The following ADD3 variants were observed in gnomAD, a reference collection of about 807,000 sequenced individuals.
ADD3 encodes the protein gamma-adducin.
Under a neutral mutation model 80.2 loss-of-function variants are expected in ADD3, and 25 were observed. That is an observed-to-expected ratio of 0.31 (90% confidence interval 0.23 to 0.44). ADD3 has a LOEUF of 0.44. Ranked by LOEUF, ADD3 falls within the 20% of genes least tolerant of loss-of-function variation. The pLI is 1.00. For synonymous variants in ADD3, 284 were observed against 289.6 expected, an observed-to-expected ratio of 0.98 and a Z score of 0.20; for missense variants, 829 against 847.5, an observed-to-expected ratio of 0.98 and a Z score of 0.27.
In ADD3 at chr10:110,124,045, A is replaced by G. The variant is rs1213670170; in HGVS notation, c.1172A>G (p.His391Arg). The change falls in exon 10 of 15, where the codon CAT becomes CGT. Residue 391 changes from histidine to arginine, a missense_variant. By Grantham distance (29) the His-to-Arg change is conservative (BLOSUM62 0). Transcript: ENST00000356080. ...LGYRTGYAYR[H>R]PLIREKPRHK... ...TATAGAACAGGCTATGCTTACAGGC[A>G]TCCTCTCATTCGAGAGAAGCCTAGG... 7 of 1,614,014 alleles carry G rather than the reference A, an allele frequency of 4.3e-6. No homozygotes were observed. The highest frequency in any genetic ancestry group is 5.9e-6 in the Non-Finnish European group (7 of 1,179,968).
At chr10:110,054,198 G>A (rs1038620172) in intron 1 of ADD3, among the ~76,000 whole-genome samples, 1 of 152,116 alleles carries the variant, frequency 6.6e-6, no homozygotes, top group Non-Finnish European at 1.5e-5. Flanking sequence ...TATTTTGGGG[G>A]AATGGTATGT....
Position 110,134,071 on chromosome 10 carries a change from T to TA in ADD3, c.*458dup, listed in dbSNP as rs925808335. 6 of 152,722 alleles carry TA rather than the reference T, an allele frequency of 3.9e-5. No individual in the cohort carries two copies. The highest frequency in any genetic ancestry group is 1.4e-4 in the African/African-American group (6 of 41,452). The allele number at this position is 152,722 out of a possible 1,614,324, so 9.5% of individuals were successfully genotyped here. The stretch of plus-strand genomic sequence containing the variant: ...TTCAGTGGGCATTAACAGAATGCTT[T>TA]AAAAACTTCTAAGACAAGAATCTAT... On this transcript the variant is annotated 3_prime_UTR_variant, in exon 15 of 15. Coordinates refer to ENST00000356080, the MANE Select transcript of ADD3 (RefSeq NM_016824.5).
rs953362748 is a variant in ADD3 at position 110,119,089 on chromosome 10, G to T, written c.718-122G>T. The T allele has an allele frequency of 1.8e-5, 19 of 1,033,370 alleles. No individual in the cohort carries two copies. The African/African-American group carries it at 2.4e-4, about 13-fold the overall frequency. The allele number at this position is 1,033,370 out of a possible 1,614,324, so 64.0% of individuals were successfully genotyped here. A position where few individuals can be genotyped will look rare whatever the true frequency, so the allele number is the denominator to read the frequency against. On this transcript the variant is annotated intron_variant, in intron 6 of 14. Transcript: ENST00000356080. ...GGGAAGTGAATAAAGTGGGAAGTGG[G>T]CTGCAATGGTGAAACACAGTGAATA...
At chr10:110,076,766 G>C (rs1233040725) in intron 1 of ADD3, among the ~76,000 whole-genome samples, 1 of 152,176 alleles carries the variant, frequency 6.6e-6, no homozygotes, top group Non-Finnish European at 1.5e-5. Flanking sequence ...TGTGTGATCT[G>C]TCTTGCATTT....
chr10:110,052,600 A>G (rs895450391), intron 1 of ADD3, among the ~76,000 whole-genome samples: 1 of 152,194 alleles, frequency 6.6e-6, no homozygotes, highest in African/African-American at 2.4e-5. Context: ...CCTGGTGCCA[A>G]AAAAGTTGGG....
chr10:110,090,109 G>A (rs1847292478), intron 1 of ADD3, among the ~76,000 whole-genome samples: 1 of 150,366 alleles, frequency 6.7e-6, no homozygotes, highest in South Asian at 2.1e-4. Flanking sequence ...ATCCTTCGTC[G>A]TTAGTGACAC....
In ADD3 at chr10:110,133,994, ATAT is replaced by A. The variant is rs992955601; in HGVS notation, c.*380_*382del. On this transcript the variant is annotated 3_prime_UTR_variant, in exon 15 of 15. Coordinates refer to ENST00000356080, the MANE Select transcript of ADD3 (RefSeq NM_016824.5). ...TCAATACCTGCTTCACTTGATAATC[ATAT>A]TATAATTTTTTATCATGATTATTGA... 6.4e-6 allele frequency: 1 copy of A among 156,202 alleles called. No individual in the cohort carries two copies. The highest frequency in any genetic ancestry group is 1.9e-4 in the East Asian group (1 of 5,362). The allele number at this position is 156,202 out of a possible 1,614,324, so 9.7% of individuals were successfully genotyped here.
intron 2 of ADD3, among the ~76,000 whole-genome samples, chr10:110,103,271 G>A (rs956607853): frequency 1.3e-5 from 2 of 152,212 alleles, no homozygotes; most frequent in Non-Finnish European, 2.9e-5. Flanking sequence ...GAACTTAGCA[G>A]CTTAAAACAA....
chr10:110,075,894 A>T (rs1845328398), intron 1 of ADD3, among the ~76,000 whole-genome samples: 1 of 152,198 alleles, frequency 6.6e-6, no homozygotes, highest in Non-Finnish European at 1.5e-5. Flanking sequence ...AGGCAAGATC[A>T]ATCAACAGCC....
chr10:110,063,992 T>G (rs1199761840), intron 1 of ADD3, among the ~76,000 whole-genome samples: 2 of 151,876 alleles, frequency 1.3e-5, no homozygotes, highest in Non-Finnish European at 2.9e-5. Context: ...ATACATGGAA[T>G]CATTCAATAT....
chr10:110,041,512 T>G lies in ADD3; in HGVS notation c.-30+33213T>G, dbSNP rs1856357792. The stretch of plus-strand genomic sequence containing the variant: ...GGTTTAACATCTCTAAGCCTAAGTT[T>G]CCTCATCTGTAAAACGAAAGGGTTG... On this transcript the variant is annotated intron_variant, in intron 1 of 14. Coordinates refer to ENST00000356080, the MANE Select transcript of ADD3 (RefSeq NM_016824.5). Among the ~76,000 whole-genome samples the G allele has an allele frequency of 2.0e-5, 3 of 152,294 alleles. No individual in the cohort carries two copies. The South Asian group carries it at 6.2e-4, about 32-fold the overall frequency.
At chr10:110,081,641 G>A (rs1846071218) in intron 1 of ADD3, among the ~76,000 whole-genome samples, 1 of 152,138 alleles carries the variant, frequency 6.6e-6, no homozygotes, top group South Asian at 2.1e-4. Flanking sequence ...CTAATTAATT[G>A]AGGCTAAATT....
chr10:110,112,937 T>C, intron 3 of ADD3, 22 bp downstream of exon 3: 1 of 1,606,796 alleles, frequency 6.2e-7, no homozygotes. Flanking sequence ...TTGGAGAGTT[T>C]TAAACATTAT....
At chr10:110,045,192 A>G (rs888918760) in intron 1 of ADD3, among the ~76,000 whole-genome samples, 29 of 152,238 alleles carry the variant, frequency 1.9e-4, no homozygotes, top group African/African-American at 6.0e-4. Context: ...CGTCTCTACT[A>G]AAAATACAAA....
Position 110,124,141 on chromosome 10 carries a change from C to T in ADD3, c.1268C>T (p.Ser423Phe). ...TTTGAAGACGATACAGTGCCACTCT[C>T]TCCTCTCAAATACATGGCACAGAGG... The part of the protein sequence containing the change: ...FSFEDDTVPL[S>F]PLKYMAQRQQ... The change falls in exon 10 of 15, where the codon TCT becomes TTT. Residue 423 changes from serine to phenylalanine, a missense_variant. By Grantham distance (155) the Ser-to-Phe change is radical. Coordinates refer to ENST00000356080, the MANE Select transcript of ADD3 (RefSeq NM_016824.5). 5 of 1,614,140 alleles carry T rather than the reference C, an allele frequency of 3.1e-6. No individual in the cohort carries two copies. Among genetic ancestry groups the T allele is most frequent in the South Asian group, 1.1e-5 (1 of 91,076 alleles).
intron 1 of ADD3, among the ~76,000 whole-genome samples, chr10:110,015,401 A>T (rs925607325): frequency 6.9e-6 from 1 of 144,354 alleles, no homozygotes; most frequent in Admixed American, 7.0e-5. Flanking sequence ...TTTGAGATGG[A>T]GTCTCGCTCT....
At chr10:110,076,970 T>C (rs2133713221) in intron 1 of ADD3, 1 of 152,312 alleles carries the variant, frequency 6.6e-6, no homozygotes, top group East Asian at 1.9e-4. Context: ...GGGTGTGTTG[T>C]TTCCCCCAGA....
rs568555022 is a variant in ADD3 at position 110,041,000 on chromosome 10, C to T, written c.-30+32701C>T. On this transcript the variant is annotated intron_variant, in intron 1 of 14. Coordinates refer to ENST00000356080, the MANE Select transcript of ADD3 (RefSeq NM_016824.5). ...TCTCTCTCTCTCCGTGTGTCTGTCT[C>T]TCTGTCCCTCTCTGTCTCACTCATG... Among the ~76,000 whole-genome samples, 4 of 152,264 alleles carry T rather than the reference C, an allele frequency of 2.6e-5. No individual in the cohort carries two copies. In the South Asian group the frequency reaches 8.3e-4, roughly 32 times the overall value.
chr10:110,092,756 TA>T (rs759822971), intron 1 of ADD3, among the ~76,000 whole-genome samples: 2 of 152,126 alleles, frequency 1.3e-5, no homozygotes, highest in Non-Finnish European at 2.9e-5. Context: ...TTGTATACTT[TA>T]AATAAATATA....
Sources: allele counts gnomAD v4.1 joint callset (sites outside exome capture counted in the v4.1 genomes callset), GRCh38; gene constraint gnomAD v4.1.1; transcripts MANE v1.5; gene names NCBI Gene and HGNC (gene_info 2026-07-23, HGNC 2026-07-21).